The following CEP112 variants were observed in gnomAD, a reference collection of about 807,000 sequenced individuals.
The protein encoded by CEP112 is centrosomal protein of 112 kDa.
CEP112 carries 127 observed loss-of-function variants against 153.0 expected under a neutral mutation model. The ratio of observed to expected loss-of-function variants is 0.83; its 90% CI spans 0.72 to 0.96. CEP112 has a LOEUF of 0.96. CEP112 is among the 40% of genes least tolerant of loss of function. The probability of loss-of-function intolerance (pLI) is 0.00; values close to 1 mark genes in which losing one functional copy is unlikely to be tolerated. For missense variants in CEP112, 1,089 were observed against 1,101.2 expected (o/e 0.99, Z 0.16); for synonymous variants, 358 against 374.4 (o/e 0.96, Z 0.51).
intron 21 of CEP112, among the ~76,000 whole-genome samples, chr17:65,755,075 A>T (rs958125087): frequency 2.0e-5 from 3 of 152,172 alleles, no homozygotes; most frequent in Non-Finnish European, 4.4e-5. Context: ...GTAGCCCAGA[A>T]CTTAAAATAA....
At chr17:66,136,650 G>A (rs553494269) in intron 4 of CEP112, among the ~76,000 whole-genome samples, 6 of 152,256 alleles carry the variant, frequency 3.9e-5, no homozygotes, top group African/African-American at 1.2e-4. Flanking sequence ...AAGTGCCTAG[G>A]GGCAGCTGAA....
chr17:66,030,007 T>A lies in CEP112; in HGVS notation c.1235A>T (p.Glu412Val), dbSNP rs776946599. Reference protein sequence around the residue: ...QTQSTNHMIKELEARVQQLTG... With the variant: ...QTQSTNHMIKVLEARVQQLTG... ...CAGCTGCTGGACACGGGCCTCCAGT[T>A]CTTTGATCATGTGGTTCTAAAAGAA... The change falls in exon 13 of 27, where the codon GAA (glutamate) becomes GTA (valine). Residue 412 changes from glutamate (E) to valine (V), a missense_variant. By Grantham distance (121) the Glu-to-Val change is moderately radical. Transcript: ENST00000535342. 3 of 1,613,608 alleles carry A rather than the reference T, an allele frequency of 1.9e-6. No individual in the cohort carries two copies. Among genetic ancestry groups the A allele is most frequent in the Non-Finnish European group, 2.5e-6 (3 of 1,179,796 alleles).
chr17:66,023,041 A>G (rs1216636619), intron 16 of CEP112, among the ~76,000 whole-genome samples: 2 of 152,134 alleles, frequency 1.3e-5, no homozygotes, highest in Non-Finnish European at 2.9e-5. Flanking sequence ...AAAAAAATGA[A>G]CAAAGCCTTT....
intron 20 of CEP112, among the ~76,000 whole-genome samples, chr17:65,881,258 G>A (rs556347058): frequency 3.1e-4 from 47 of 152,190 alleles, no homozygotes; most frequent in Non-Finnish European, 5.9e-4. Context: ...CACAAAAATG[G>A]AATGGAAAGT....
rs531508524 is a variant in CEP112 at position 66,100,174 on chromosome 17, C to T, written c.643-3542G>A. ...GGCTCATGCCTGTAACCGAGGTGGG[C>T]GGATCACAAGGTCAGGAGATCGAGA... On this transcript the variant is annotated intron_variant, in intron 6 of 26. Coordinates refer to ENST00000535342, the MANE Select transcript of CEP112 (RefSeq NM_001199165.4). 4.6e-5 allele frequency among the ~76,000 whole-genome samples: 7 copies of T among 151,876 alleles called. No individual in the cohort carries two copies. The South Asian group carries it at 6.3e-4, about 14-fold the overall frequency.
At chr17:66,093,432 A>T (rs977333775) in intron 8 of CEP112, among the ~76,000 whole-genome samples, 3 of 152,108 alleles carry the variant, frequency 2.0e-5, no homozygotes, top group East Asian at 1.9e-4. Context: ...TAAAAAAAAA[A>T]TTTTTAAAGA....
chr17:65,891,987 C>T lies in CEP112; in HGVS notation c.2163+10165G>A, dbSNP rs188457152. Among the ~76,000 whole-genome samples the T allele has an allele frequency of 1.3e-4, 20 of 152,282 alleles. No homozygotes were observed. The East Asian group carries it at 3.5e-3, about 26-fold the overall frequency. On this transcript the variant is annotated intron_variant, in intron 20 of 26. Transcript: ENST00000535342. The stretch of plus-strand genomic sequence containing the variant: ...TTAATTCTCCACCTACAAGTTATTG[C>T]TATGTGATACTCTCCTTGTTAATTT...
chr17:66,050,055 A>G (rs1021914927), intron 12 of CEP112, among the ~76,000 whole-genome samples: 6 of 152,332 alleles, frequency 3.9e-5, no homozygotes, highest in Non-Finnish European at 5.9e-5. Context: ...CAAAAAGTCC[A>G]TAACTAGAGA....
intron 24 of CEP112, among the ~76,000 whole-genome samples, chr17:65,672,291 G>A (rs1293725189): frequency 3.9e-5 from 6 of 152,124 alleles, no homozygotes; most frequent in Non-Finnish European, 7.3e-5. Flanking sequence ...TAAAGTTCCT[G>A]AATGGGAAGA....
Position 66,097,181 on chromosome 17 carries a change from T to C in CEP112, c.643-549A>G, listed in dbSNP as rs141744715. ...TCATCTATCTTCACCATACCCCACA[T>C]TCCAAGGACACCAGACAATTTGTTT... On this transcript the variant is annotated intron_variant, in intron 6 of 26. Transcript: ENST00000535342. 5.6e-3 allele frequency among the ~76,000 whole-genome samples: 846 copies of C among 152,274 alleles called. 12 individuals carry two copies. Among genetic ancestry groups the C allele is most frequent in the African/African-American group, 0.019 (793 of 41,538 alleles).
In CEP112 at chr17:66,032,352, G is replaced by GAA. The variant is rs56144670; in HGVS notation, c.1219-2331_1219-2330dup. On this transcript the variant is annotated intron_variant, in intron 12 of 26. Transcript: ENST00000535342. ...AGGGCAGGAAGCCAAGAAACCAAGT[G>GAA]AAAAAAAAAAAAAAAACTCAGAAAA... Among the ~76,000 whole-genome samples, 58 of 146,580 alleles carry GAA rather than the reference G, an allele frequency of 4.0e-4. No individual in the cohort carries two copies. The South Asian group carries it at 4.6e-3, about 12-fold the overall frequency.
At chr17:65,890,524 C>A (rs2059425636) in intron 20 of CEP112, among the ~76,000 whole-genome samples, 1 of 152,146 alleles carries the variant, frequency 6.6e-6, no homozygotes, top group South Asian at 2.1e-4. Flanking sequence ...GGGATCAAAG[C>A]TTCATTATGA....
At position 65,915,916 on chromosome 17, in the gene CEP112, T is replaced by C. The variant is rs2060463347; in HGVS notation, c.1980+11666A>G. Among the ~76,000 whole-genome samples the C allele has an allele frequency of 2.0e-5, 3 of 151,948 alleles. 1 individual carries two copies. The highest frequency in any genetic ancestry group is 1.3e-4 in the Admixed American group (2 of 15,242). ...CCATAGGATGTGACAAAATCTACCCTGTACTGTACTTTGGCTCCTACCACT... is the reference window on the plus strand; with the variant it reads ...CCATAGGATGTGACAAAATCTACCCCGTACTGTACTTTGGCTCCTACCACT... On this transcript the variant is annotated intron_variant, in intron 19 of 26. Transcript: ENST00000535342.
chr17:65,754,908 C>T lies in CEP112; in HGVS notation c.2395-4184G>A, dbSNP rs143904456. On this transcript the variant is annotated intron_variant, in intron 21 of 26. Transcript: ENST00000535342. ...GTGAGAACACATGGACACATGGGGGCGGGACCCACTGGAGCCTGTTGGGGG... is the reference window on the plus strand; with the variant it reads ...GTGAGAACACATGGACACATGGGGGTGGGACCCACTGGAGCCTGTTGGGGG... Among the ~76,000 whole-genome samples the T allele has an allele frequency of 3.9e-5, 6 of 152,022 alleles. No homozygotes were observed. In the East Asian group the frequency reaches 9.7e-4, roughly 25 times the overall value.
chr17:65,749,411 G>A (rs934179608), intron 22 of CEP112, among the ~76,000 whole-genome samples: 9 of 152,120 alleles, frequency 5.9e-5, no homozygotes, highest in Non-Finnish European at 1.0e-4. Flanking sequence ...GGGAGGCTGA[G>A]GCAGGAGAAT....
In CEP112 at chr17:65,642,951, T is replaced by C. The variant is rs189690432; in HGVS notation, c.2698-1886A>G. Among the ~76,000 whole-genome samples the C allele has an allele frequency of 2.4e-4, 36 of 152,362 alleles. No homozygotes were observed. The East Asian group carries it at 6.0e-3, about 25-fold the overall frequency. On this transcript the variant is annotated intron_variant, in intron 24 of 26. Transcript: ENST00000535342. ...ATTTTACTACTGAAATATGTTGTCC[T>C]ACCCATCCCACCCCACAGTAAAAAT...
chr17:66,097,866 C>T (rs1478634129), intron 6 of CEP112, among the ~76,000 whole-genome samples: 2 of 152,172 alleles, frequency 1.3e-5, no homozygotes, highest in Non-Finnish European at 2.9e-5. Context: ...CACAAACCCA[C>T]AAATTACTAC....
intron 4 of CEP112, among the ~76,000 whole-genome samples, chr17:66,135,465 C>T (rs1036359950): frequency 2.0e-5 from 3 of 152,120 alleles, no homozygotes; most frequent in Non-Finnish European, 2.9e-5. Context: ...AAGTGCCACA[C>T]GCCACACAGA....
At chr17:66,145,147 G>A (rs561700879) in intron 4 of CEP112, among the ~76,000 whole-genome samples, 1 of 152,286 alleles carries the variant, frequency 6.6e-6, no homozygotes, top group South Asian at 2.1e-4. Context: ...GCTAAAGAAT[G>A]CTGTTGGCCA....
Sources: allele counts gnomAD v4.1 joint callset (sites outside exome capture counted in the v4.1 genomes callset), GRCh38; gene constraint gnomAD v4.1.1; transcripts MANE v1.5; gene names NCBI Gene and HGNC (gene_info 2026-07-23, HGNC 2026-07-21).